The following SCHIP1 variants were observed in gnomAD, a reference collection of about 807,000 sequenced individuals.
The protein encoded by SCHIP1 is schwannomin-interacting protein 1.
SCHIP1 carries 8 observed loss-of-function variants against 29.7 expected under a neutral mutation model. The observed-to-expected ratio is 0.27, with a 90% CI of 0.16 to 0.49. The LOEUF is 0.49. Among genes scored for constraint, SCHIP1 ranks in the 20% least tolerant of loss-of-function variants. The pLI, the probability that SCHIP1 is intolerant of heterozygous loss-of-function variation, is 0.99. For synonymous variants in SCHIP1, 76 were observed against 94.9 expected (o/e 0.80, Z 1.16); for missense variants, 193 against 294.6 (o/e 0.66, Z 2.52).
chr3:159,713,893 CT>C, the SCHIP1 span, among the ~76,000 whole-genome samples: 2 of 152,192 alleles, frequency 1.3e-5, no homozygotes, highest in African/African-American at 2.4e-5. Flanking sequence ...GTTTTACAAG[CT>C]TCGTGGTAAT....
the SCHIP1 span, among the ~76,000 whole-genome samples, chr3:159,324,789 G>T: frequency 6.6e-6 from 1 of 152,042 alleles, no homozygotes; most frequent in South Asian, 2.1e-4. Context: ...TTTTAATCTG[G>T]AATTCTAATC....
the SCHIP1 span, among the ~76,000 whole-genome samples, chr3:159,791,942 C>T: frequency 6.6e-6 from 1 of 151,968 alleles, no homozygotes. Flanking sequence ...AAATGGAATG[C>T]CGGGTAATAT....
intron 1 of SCHIP1, among the ~76,000 whole-genome samples, chr3:159,864,152 G>C (rs967950432): frequency 2.6e-5 from 4 of 152,220 alleles, no homozygotes; most frequent in African/African-American, 9.6e-5. Context: ...CTGCCTGGCA[G>C]ATATGGGGAT....
At chr3:159,386,749 A>G in the SCHIP1 span, 1 of 152,272 alleles carries the variant, frequency 6.6e-6, no homozygotes, top group Non-Finnish European at 1.5e-5. Flanking sequence ...TTTCTTGTAT[A>G]AAAACACTAT....
At chr3:159,343,712 G>A in the SCHIP1 span, among the ~76,000 whole-genome samples, 2 of 152,174 alleles carry the variant, frequency 1.3e-5, no homozygotes, top group African/African-American at 4.8e-5. Context: ...GGAGAATGAA[G>A]AAAGTATTTC....
the SCHIP1 span, among the ~76,000 whole-genome samples, chr3:159,537,081 T>G: frequency 6.6e-6 from 1 of 152,186 alleles, no homozygotes; most frequent in Non-Finnish European, 1.5e-5. Context: ...TTTACCAGAA[T>G]ACCACTGCTC....
At chr3:159,740,693 A>G in the SCHIP1 span, among the ~76,000 whole-genome samples, 9 of 142,758 alleles carry the variant, frequency 6.3e-5, no homozygotes, top group Non-Finnish European at 1.2e-4. Flanking sequence ...GGCCACAGGT[A>G]TGCCCCTAAG....
the SCHIP1 span, among the ~76,000 whole-genome samples, chr3:159,554,789 C>A: frequency 6.6e-6 from 1 of 151,878 alleles, no homozygotes; most frequent in South Asian, 2.1e-4. Flanking sequence ...GTGTTTCCTG[C>A]TTGCTCTTTT....
chr3:159,632,986 T>C, the SCHIP1 span, among the ~76,000 whole-genome samples: 3 of 152,278 alleles, frequency 2.0e-5, no homozygotes, highest in East Asian at 5.8e-4. Context: ...TTAGTTCAGT[T>C]ATAGCCCCAG....
At chr3:159,621,672 GT>G in the SCHIP1 span, among the ~76,000 whole-genome samples, 6 of 147,228 alleles carry the variant, frequency 4.1e-5, no homozygotes, top group Admixed American at 6.8e-5. Context: ...TTTGTTCTTT[GT>G]TTTTTTTTTG....
the SCHIP1 span, among the ~76,000 whole-genome samples, chr3:159,581,262 G>A: frequency 6.6e-6 from 1 of 152,268 alleles, no homozygotes; most frequent in African/African-American, 2.4e-5. Flanking sequence ...CAGAATGACA[G>A]TGTTGAGTTT....
At chr3:159,520,705 A>T in the SCHIP1 span, among the ~76,000 whole-genome samples, 1 of 152,298 alleles carries the variant, frequency 6.6e-6, no homozygotes, top group South Asian at 2.1e-4. Flanking sequence ...ACAACTTTCA[A>T]CTAATTCTCC....
chr3:159,545,986 A>G, the SCHIP1 span, among the ~76,000 whole-genome samples: 1 of 151,982 alleles, frequency 6.6e-6, no homozygotes, highest in Non-Finnish European at 1.5e-5. Flanking sequence ...TACATATTTT[A>G]TAAGATGTAT....
At chr3:159,523,051 G>A in the SCHIP1 span, among the ~76,000 whole-genome samples, 1 of 152,112 alleles carries the variant, frequency 6.6e-6, no homozygotes, top group Non-Finnish European at 1.5e-5. Flanking sequence ...ATATTGGCCA[G>A]TACTCCTATA....
At chr3:159,332,280 G>T in the SCHIP1 span, among the ~76,000 whole-genome samples, 1 of 152,134 alleles carries the variant, frequency 6.6e-6, no homozygotes, top group South Asian at 2.1e-4. Flanking sequence ...AATCCTTAAA[G>T]CAGTCCTATA....
chr3:159,632,145 CGTTTGAGGA>C, the SCHIP1 span, among the ~76,000 whole-genome samples: 1 of 152,126 alleles, frequency 6.6e-6, no homozygotes, highest in East Asian at 1.9e-4. Flanking sequence ...GCAACCAGCT[CGTTTGAGGA>C]CTAGAAAAAT....
At chr3:159,863,646 T>C (rs1714297145) in intron 1 of SCHIP1, among the ~76,000 whole-genome samples, 1 of 152,200 alleles carries the variant, frequency 6.6e-6, no homozygotes, top group South Asian at 2.1e-4. Flanking sequence ...ATGTTAGCAA[T>C]CATGTCTCTC....
chr3:159,786,916 T>C, the SCHIP1 span, among the ~76,000 whole-genome samples: 1 of 152,132 alleles, frequency 6.6e-6, no homozygotes, highest in Non-Finnish European at 1.5e-5. Context: ...AAGTGAGCAC[T>C]GAAGACAGTT....
the SCHIP1 span, among the ~76,000 whole-genome samples, chr3:159,409,254 C>A: frequency 6.6e-6 from 1 of 151,878 alleles, no homozygotes; most frequent in Non-Finnish European, 1.5e-5. Flanking sequence ...TTTTCACCAC[C>A]ATTATTCAAT....
Sources: allele counts gnomAD v4.1 joint callset (sites outside exome capture counted in the v4.1 genomes callset), GRCh38; gene constraint gnomAD v4.1.1; transcripts MANE v1.5; gene names NCBI Gene and HGNC (gene_info 2026-07-23, HGNC 2026-07-21).